Variants in CST7 observed in about 807,000 individuals in gnomAD.
CST7 encodes cystatin F, also known as cystatin-F.
A neutral mutation model predicts 13.1 loss-of-function variants in CST7; 15 were observed. The ratio of observed to expected loss-of-function variants is 1.14; its 90% CI spans 0.77 to 1.76. CST7 has a LOEUF of 1.76. Ranked by LOEUF, CST7 falls within the 40% of genes most tolerant of loss-of-function variation. The pLI is 0.00. For missense variants in CST7, 193 were observed against 178.8 expected, an observed-to-expected ratio of 1.08 and a Z score of -0.45; for synonymous variants, 75 against 66.9, an observed-to-expected ratio of 1.12 and a Z score of -0.59.
intron 2 of CST7, among the ~76,000 whole-genome samples, chr20:24,958,187 T>C (rs918141873): frequency 6.6e-6 from 1 of 152,158 alleles, no homozygotes; most frequent in East Asian, 1.9e-4. Context: ...AATTGCAAAC[T>C]TGTGAAGGAC....
At chr20:24,952,328 G>T (rs771259348) in intron 1 of CST7, among the ~76,000 whole-genome samples, 1 of 152,212 alleles carries the variant, frequency 6.6e-6, no homozygotes, top group Non-Finnish European at 1.5e-5. Flanking sequence ...AGCAGAGCTG[G>T]AATTCAAACT....
At position 24,949,449 on chromosome 20, in the gene CST7, G is replaced by A. The variant is rs227653; in HGVS notation, c.-57G>A. On this transcript the variant is annotated 5_prime_UTR_variant, in exon 1 of 4. An upstream open reading frame in the 5' UTR loses its in-frame stop. Coordinates refer to ENST00000480798, the MANE Select transcript of CST7 (RefSeq NM_003650.4). ...TGCCTCCAACTGCCCCATGCTGCCTGAGAAGGCACTGCACGGCCACCCCCA... is the reference window on the plus strand; with the variant it reads ...TGCCTCCAACTGCCCCATGCTGCCTAAGAAGGCACTGCACGGCCACCCCCA... The A allele has an allele frequency of 0.11, 184,664 of 1,613,444 alleles. 11,140 individuals carry two copies. Among genetic ancestry groups the A allele is most frequent in the Middle Eastern group, 0.2 (1,234 of 6,030 alleles).
Position 24,957,280 on chromosome 20 carries a change from C to G in CST7, c.71-7C>G, listed in dbSNP as rs373112986. On this transcript the variant is annotated splice_region_variant and splice_polypyrimidine_tract_variant and intron_variant, in intron 1 of 3. Transcript: ENST00000480798. The stretch of plus-strand genomic sequence containing the variant: ...AGTGTTCTTGTCTGGCTCTTTGTCT[C>G]TTTCAGATACTTGTTCCCAGGACCT... 2.1e-5 allele frequency: 34 copies of G among 1,611,118 alleles called. No homozygotes were observed. In the African/African-American group the frequency reaches 2.8e-4, roughly 13 times the overall value.
At position 24,957,353 on chromosome 20, in the gene CST7, A is replaced by C; in HGVS notation, c.137A>C (p.Asp46Ala). 1 of 1,613,730 alleles carries C rather than the reference A, an allele frequency of 6.2e-7. No homozygotes were observed. Among genetic ancestry groups the C allele is most frequent in the Non-Finnish European group, 8.5e-7 (1 of 1,179,796 alleles). ...PGFPKTIKTNDPGVLQAARYS... is the reference protein window; with the variant it reads ...PGFPKTIKTNAPGVLQAARYS... ...TTTCCTAAAACAATAAAGACCAATG[A>C]CCCAGGAGTCCTCCAAGCAGCCAGA... Residue 46 changes from aspartate (D) to alanine (A), a missense_variant, in exon 2 of 4, where the codon GAC becomes GCC. Physicochemically the swap from Asp to Ala is moderately radical, Grantham distance 126. Coordinates refer to ENST00000480798, the MANE Select transcript of CST7 (RefSeq NM_003650.4).
intron 2 of CST7, 122 bp from the exon 3 acceptor site, chr20:24,958,806 C>G (rs2087875431): frequency 2.8e-6 from 2 of 724,190 alleles, no homozygotes; most frequent in African/African-American, 1.7e-5. Context: ...CCCCAAGATG[C>G]TGGCCCACTT....
Position 24,958,873 on chromosome 20 carries a change from G to A in CST7, c.244-55G>A. The stretch of plus-strand genomic sequence containing the variant: ...TCTTGAGGCCCTGCTTCCTAGTGGA[G>A]AAGCCTGCCCTCCCTCCCCTGTGCC... On this transcript the variant is annotated intron_variant, in intron 2 of 3. Coordinates refer to ENST00000480798, the MANE Select transcript of CST7 (RefSeq NM_003650.4). 10 of 1,332,958 alleles carry A rather than the reference G, an allele frequency of 7.5e-6. No homozygotes were observed. The South Asian group carries it at 1.2e-4, about 16-fold the overall frequency. 82.6% of individuals were successfully genotyped at this position (1,332,958 alleles called of 1,614,324 possible).
chr20:24,959,203 G>C (rs77943925), intron 3 of CST7, among the ~76,000 whole-genome samples, 159 bp downstream of exon 3: 1 of 152,162 alleles, frequency 6.6e-6, no homozygotes, highest in Non-Finnish European at 1.5e-5. Context: ...CTGAGGATCC[G>C]GGAGAACAGG....
rs73343000 is a variant in CST7, at chr20:24,952,568, A to C, written c.70+2993A>C. On this transcript the variant is annotated intron_variant, in intron 1 of 3. Coordinates refer to ENST00000480798, the MANE Select transcript of CST7 (RefSeq NM_003650.4). ...AAGCGTCTCCAGGTGGGCAGAGTGA[A>C]CACCAGCACCTCTAAGCTGGACTTG... 5.7e-4 allele frequency among the ~76,000 whole-genome samples: 87 copies of C among 152,282 alleles called. 1 individual carries two copies. Among genetic ancestry groups the C allele is most frequent in the African/African-American group, 2.1e-3 (87 of 41,546 alleles).
At position 24,959,618 on chromosome 20, in the gene CST7, G is replaced by T. The variant is rs1012411538; in HGVS notation, c.361-17G>T. ...AGGGAAAGTCTAAGCTCTCAGGTGT[G>T]CCCTTCTCTGTTTCAGACTCTGAGC... On this transcript the variant is annotated splice_polypyrimidine_tract_variant and intron_variant, in intron 3 of 3. Coordinates refer to ENST00000480798, the MANE Select transcript of CST7 (RefSeq NM_003650.4). The T allele has an allele frequency of 5.0e-6, 8 of 1,613,660 alleles. No homozygotes were observed. In the African/African-American group the frequency reaches 9.3e-5, roughly 19 times the overall value.
Position 24,949,461 on chromosome 20 carries a change from C to T in CST7, c.-45C>T, listed in dbSNP as rs1568803477. The T allele has an allele frequency of 1.2e-6, 2 of 1,613,876 alleles. No homozygotes were observed. The highest frequency in any genetic ancestry group is 1.7e-6 in the Non-Finnish European group (2 of 1,179,924). ...CCCCATGCTGCCTGAGAAGGCACTG[C>T]ACGGCCACCCCCAACTGCCCCGCAC... On this transcript the variant is annotated 5_prime_UTR_variant, in exon 1 of 4. Coordinates refer to ENST00000480798, the MANE Select transcript of CST7 (RefSeq NM_003650.4).
intron 1 of CST7, among the ~76,000 whole-genome samples, chr20:24,950,164 C>T (rs2087810699): frequency 6.6e-6 from 1 of 152,190 alleles, no homozygotes; most frequent in African/African-American, 2.4e-5. Context: ...GGACAACCTG[C>T]TCTCCCCCAA....
chr20:24,955,870 G>A lies in CST7; in HGVS notation c.71-1417G>A, dbSNP rs191583438. Among the ~76,000 whole-genome samples the A allele has an allele frequency of 1.8e-4, 28 of 152,300 alleles. No individual in the cohort carries two copies. The East Asian group carries it at 5.4e-3, about 29-fold the overall frequency. On this transcript the variant is annotated intron_variant, in intron 1 of 3. Transcript: ENST00000480798. ...CACCAGCACACAGGACCAGCACGTG[G>A]CCAGCATTCTCTATGGGGTGGGGCA...
chr20:24,953,904 T>A (rs938170133), intron 1 of CST7, among the ~76,000 whole-genome samples: 1 of 152,088 alleles, frequency 6.6e-6, no homozygotes, highest in African/African-American at 2.4e-5. Flanking sequence ...ATCACCACCA[T>A]CACCCTCTGC....
At chr20:24,956,821 G>C (rs2087857799) in intron 1 of CST7, among the ~76,000 whole-genome samples, 1 of 151,758 alleles carries the variant, frequency 6.6e-6, no homozygotes, top group South Asian at 2.1e-4. Flanking sequence ...TACATCCTAA[G>C]GCTACATCCC....
Position 24,949,580 on chromosome 20 carries a change from G to C in CST7, c.70+5G>C. 6.2e-7 allele frequency: 1 copy of C among 1,614,010 alleles called. No homozygotes were observed. The highest frequency in any genetic ancestry group is 1.3e-5 in the African/African-American group (1 of 75,076). Reference sequence around the variant, plus strand: ...CCACTGGGGGCCCTTCCCCAGGTAAGTGGCGTTCTCCCCTGTCCGCTCCCC... The same window carrying C: ...CCACTGGGGGCCCTTCCCCAGGTAACTGGCGTTCTCCCCTGTCCGCTCCCC... On this transcript the variant is annotated splice_donor_5th_base_variant and intron_variant, in intron 1 of 3. Transcript: ENST00000480798.
At chr20:24,953,474 T>C (rs1476053148) in intron 1 of CST7, among the ~76,000 whole-genome samples, 1 of 152,114 alleles carries the variant, frequency 6.6e-6, no homozygotes, top group Non-Finnish European at 1.5e-5. Flanking sequence ...GCAGCCTGAT[T>C]CAAGCTTAAT....
At chr20:24,958,536 C>T (rs1041405278) in intron 2 of CST7, among the ~76,000 whole-genome samples, 7 of 152,218 alleles carry the variant, frequency 4.6e-5, no homozygotes, top group East Asian at 1.9e-4. Context: ...TCAAAACTCC[C>T]GACCCCAGGA....
chr20:24,954,359 G>A (rs1177695944), intron 1 of CST7, among the ~76,000 whole-genome samples: 1 of 152,192 alleles, frequency 6.6e-6, no homozygotes. Context: ...GTTGCACGGA[G>A]CAAACCCAGA....
In CST7 at chr20:24,957,285, A is replaced by C. The variant is rs781394620; in HGVS notation, c.71-2A>C. On this transcript the variant is annotated splice_acceptor_variant, in intron 1 of 3. Transcript: ENST00000480798. LOFTEE classifies it high-confidence loss of function. ...TCTTGTCTGGCTCTTTGTCTCTTTC[A>C]GATACTTGTTCCCAGGACCTTAACT... is the stretch of plus-strand genomic sequence containing the variant. The C allele has an allele frequency of 1.2e-6, 2 of 1,611,836 alleles. No homozygotes were observed. Among genetic ancestry groups the C allele is most frequent in the South Asian group, 1.1e-5 (1 of 90,890 alleles).
Sources: gnomAD v4.1 joint callset for allele counts (sites outside exome capture counted in the v4.1 genomes callset) on GRCh38, gnomAD v4.1.1 for gene constraint, MANE v1.5 for transcripts, NCBI Gene and HGNC (gene_info 2026-07-23, HGNC 2026-07-21) for gene names.